The following SPG11 variants were observed in gnomAD, a reference collection of about 807,000 sequenced individuals.
The protein encoded by SPG11 is SPG11 vesicle trafficking associated, spatacsin, also known as spatacsin.
SPG11 carries 222 observed loss-of-function variants against 274.0 expected under a neutral mutation model. The ratio of observed to expected loss-of-function variants is 0.81; its 90% CI spans 0.73 to 0.91. The LOEUF (loss-of-function observed/expected upper bound fraction) is 0.91, where lower values mean the gene tolerates loss of function less well. SPG11 is among the 40% of genes least tolerant of loss of function. SPG11 has a pLI of 0.00. For synonymous variants in SPG11, 1,144 were observed against 1,039.7 expected, an observed-to-expected ratio of 1.10 and a Z score of -1.93; for missense variants, 3,114 against 2,872.7, an observed-to-expected ratio of 1.08 and a Z score of -1.92.
In SPG11 at chr15:44,629,309, G is replaced by T; in HGVS notation, c.1815C>A (p.His605Gln). ...RESYSEPQSK[H>Q]FSEQLLNLTL... is the part of the protein sequence containing the mutation. ...TAAGATTAAGCAATTGTTCTGAAAA[G>T]TGTTTGCTTTGGGGTTCAGAATAAC... Residue 605 changes from histidine (H) to glutamine (Q), a missense_variant, in exon 9 of 40, where the codon CAC becomes CAA. Transcript: ENST00000261866. 1 of 1,614,044 alleles carries T rather than the reference G, an allele frequency of 6.2e-7. No individual in the cohort carries two copies. The highest frequency in any genetic ancestry group is 8.5e-7 in the Non-Finnish European group (1 of 1,179,894).
In SPG11 at chr15:44,637,269, A is replaced by G. The variant is rs531022692; in HGVS notation, c.1603-3632T>C. Among the ~76,000 whole-genome samples, 4 of 152,298 alleles carry G rather than the reference A, an allele frequency of 2.6e-5. No individual in the cohort carries two copies. In the East Asian group the frequency reaches 5.8e-4, roughly 22 times the overall value. ...TGAGCAAAGTGTCAACAGTCTAACT[A>G]CTTCTGATTGAAAGACCAATGTGAC... On this transcript the variant is annotated intron_variant, in intron 7 of 39. Transcript: ENST00000261866.
Position 44,563,056 on chromosome 15 carries a change from C to T in SPG11, c.*65G>A. On this transcript the variant is annotated 3_prime_UTR_variant, in exon 40 of 40. Coordinates refer to ENST00000261866, the MANE Select transcript of SPG11 (RefSeq NM_025137.4). ...CTTTAGCAAAGATCTCCAATGCATT[C>T]TTCTTCTCATCACATCTGTCAGAAT... 6.6e-7 allele frequency: 1 copy of T among 1,516,186 alleles called. No individual in the cohort carries two copies. Among genetic ancestry groups the T allele is most frequent in the Middle Eastern group, 1.7e-4 (1 of 5,886 alleles). The allele number at this position is 1,516,186 out of a possible 1,614,324, so 93.9% of individuals were successfully genotyped here.
At chr15:44,575,107 T>A in intron 30 of SPG11, 66 bp from the exon 31 acceptor site, 1 of 1,595,788 alleles carries the variant, frequency 6.3e-7, no homozygotes, top group Non-Finnish European at 8.5e-7. Context: ...TAGCTCTCTA[T>A]GGCTCTACCT....
chr15:44,615,176 A>T (rs1175681377), intron 16 of SPG11, among the ~76,000 whole-genome samples, 187 bp downstream of exon 16: 1 of 152,222 alleles, frequency 6.6e-6, no homozygotes, highest in South Asian at 2.1e-4. Flanking sequence ...AAAACACATA[A>T]GCATTTTGCT....
chr15:44,613,493 G>C lies in SPG11; in HGVS notation c.3082C>G (p.His1028Asp). 1 of 1,613,868 alleles carries C rather than the reference G, an allele frequency of 6.2e-7. No individual in the cohort carries two copies. The highest frequency in any genetic ancestry group is 8.5e-7 in the Non-Finnish European group (1 of 1,179,834). Reference sequence around the variant, plus strand: ...AATTCAAACCAAGGGTGTGCTTCATGTAACTCTTTTTTTTCCAAAAAGGGA... The same window carrying C: ...AATTCAAACCAAGGGTGTGCTTCATCTAACTCTTTTTTTTCCAAAAAGGGA... ...NCPFLEKKEL[H>D]EAHPWFEFLV... Residue 1028 changes from histidine to aspartate, a missense_variant, in exon 17 of 40, where the codon CAT becomes GAT. Physicochemically the swap from His to Asp is moderately conservative, Grantham distance 81 (BLOSUM62 -1). Transcript: ENST00000261866.
chr15:44,601,151 T>C (rs892005936), intron 20 of SPG11, among the ~76,000 whole-genome samples: 4 of 151,844 alleles, frequency 2.6e-5, no homozygotes, highest in African/African-American at 7.3e-5. Context: ...AAACTTCATT[T>C]CAAAAAAACA....
chr15:44,583,644 ATCTT>A (rs1163687138), intron 30 of SPG11, among the ~76,000 whole-genome samples, 166 bp downstream of exon 30: 1 of 152,166 alleles, frequency 6.6e-6, no homozygotes, highest in Non-Finnish European at 1.5e-5. Context: ...AAAGACATAG[ATCTT>A]TCTATTTCAT....
chr15:44,573,796 G>C, intron 31 of SPG11, 51 bp from the exon 32 acceptor site: 1 of 1,572,596 alleles, frequency 6.4e-7, no homozygotes, highest in Non-Finnish European at 8.7e-7. Flanking sequence ...CCAGGAAAAA[G>C]CAAAAGAGCC....
At chr15:44,651,412 G>A (rs1350740866) in intron 6 of SPG11, 79 bp downstream of exon 6, 7 of 1,233,110 alleles carry the variant, frequency 5.7e-6, no homozygotes, top group African/African-American at 1.5e-5. Context: ...GCAAGAGCAG[G>A]CACTGAGGCA....
At chr15:44,654,811 G>A (rs956956236) in intron 4 of SPG11, among the ~76,000 whole-genome samples, 9 of 151,424 alleles carry the variant, frequency 5.9e-5, no homozygotes, top group African/African-American at 1.7e-4. Flanking sequence ...GCTCCATCCC[G>A]GACAACAAGA....
chr15:44,604,453 T>G (rs1450092124), intron 20 of SPG11, among the ~76,000 whole-genome samples: 1 of 152,218 alleles, frequency 6.6e-6, no homozygotes, highest in Non-Finnish European at 1.5e-5. Flanking sequence ...CCATAATTTT[T>G]TAGCACGTTG....
chr15:44,583,757 G>A (rs1021188260), intron 30 of SPG11, 57 bp downstream of exon 30: 8 of 1,611,242 alleles, frequency 5.0e-6, no homozygotes, highest in Non-Finnish European at 6.8e-6. Flanking sequence ...TTCCTTCTTG[G>A]AGACAGTGCT....
chr15:44,593,505 C>A (rs1485285975), intron 26 of SPG11, among the ~76,000 whole-genome samples: 1 of 152,162 alleles, frequency 6.6e-6, no homozygotes, highest in East Asian at 1.9e-4. Context: ...ATTTTAAACA[C>A]ACACACCTGG....
chr15:44,640,208 T>C (rs534368647), intron 7 of SPG11, among the ~76,000 whole-genome samples: 2 of 152,188 alleles, frequency 1.3e-5, no homozygotes, highest in African/African-American at 4.8e-5. Context: ...AGACTCCGTC[T>C]CAAAAAAAAC....
At chr15:44,625,060 G>C (rs1484311172) in intron 11 of SPG11, among the ~76,000 whole-genome samples, 3 of 151,882 alleles carry the variant, frequency 2.0e-5, no homozygotes, top group Non-Finnish European at 1.5e-5. Context: ...GTTTGAACCT[G>C]GGAGGTGGAA....
chr15:44,596,661 A>AAAT (rs1491215142), intron 24 of SPG11, 123 bp downstream of exon 24: 34 of 5,598 alleles, frequency 6.1e-3, no homozygotes, highest in Non-Finnish European at 0.013. Context: ...TATCCTGGTC[A>AAAT]AAAAAAAAAA....
chr15:44,636,268 T>C lies in SPG11; in HGVS notation c.1603-2631A>G, dbSNP rs145877947. 2.1e-3 allele frequency among the ~76,000 whole-genome samples: 320 copies of C among 152,194 alleles called. 1 individual carries two copies. The highest frequency in any genetic ancestry group is 7.3e-3 in the African/African-American group (304 of 41,528). Reference sequence around the variant, plus strand: ...AAAAAAGATAAACTAGAAAAAATTATTGGCCCGAGAGGAGACTATAAACAA... The same window carrying C: ...AAAAAAGATAAACTAGAAAAAATTACTGGCCCGAGAGGAGACTATAAACAA... On this transcript the variant is annotated intron_variant, in intron 7 of 39. Transcript: ENST00000261866.
intron 1 of SPG11, among the ~76,000 whole-genome samples, chr15:44,661,419 T>C (rs1404785754): frequency 6.6e-6 from 1 of 152,174 alleles, no homozygotes; most frequent in Middle Eastern, 3.2e-3. Context: ...TAAAATTTCA[T>C]CTTTTAAGAA....
At chr15:44,639,158 C>G (rs1284552626) in intron 7 of SPG11, among the ~76,000 whole-genome samples, 1 of 151,748 alleles carries the variant, frequency 6.6e-6, no homozygotes, top group South Asian at 2.1e-4. Flanking sequence ...TCAATAGATA[C>G]AGAATAGGCA....
Sources: allele counts gnomAD v4.1 joint callset (sites outside exome capture counted in the v4.1 genomes callset), GRCh38; gene constraint gnomAD v4.1.1; transcripts MANE v1.5; gene names NCBI Gene and HGNC (gene_info 2026-07-23, HGNC 2026-07-21).